The following SLC36A1 variants were observed in gnomAD, a reference collection of about 807,000 sequenced individuals.
SLC36A1 encodes proton-coupled amino acid transporter 1.
Under a neutral mutation model 47.5 loss-of-function variants are expected in SLC36A1, and 30 were observed. That is an observed-to-expected ratio of 0.63 (90% confidence interval 0.47 to 0.86). The LOEUF (loss-of-function observed/expected upper bound fraction) is 0.86. Ranked by LOEUF, SLC36A1 falls within the 40% of genes least tolerant of loss-of-function variation. The probability of loss-of-function intolerance (pLI) is 0.00; values close to 1 mark genes in which losing one functional copy is unlikely to be tolerated. For synonymous variants in SLC36A1, 255 were observed against 249.7 expected (o/e 1.02, Z -0.20); for missense variants, 517 against 606.0 (o/e 0.85, Z 1.54).
chr5:151,455,191 C>T (rs1198388241), intron 1 of SLC36A1, among the ~76,000 whole-genome samples: 1 of 152,140 alleles, frequency 6.6e-6, no homozygotes, highest in East Asian at 1.9e-4. Flanking sequence ...CCGAGGTCCA[C>T]TTACTAGCAT....
At chr5:151,537,856 C>T in the SLC36A1 span, 29 of 1,614,062 alleles carry the variant, frequency 1.8e-5, no homozygotes, top group Non-Finnish European at 2.2e-5. Context: ...GTGATCTGAG[C>T]ATTGGTATCA....
the SLC36A1 span, among the ~76,000 whole-genome samples, chr5:151,356,564 G>A: frequency 6.6e-6 from 1 of 152,004 alleles, no homozygotes; most frequent in Non-Finnish European, 1.5e-5. Flanking sequence ...TCTTCTCCCT[G>A]AAATGCCCTT....
the SLC36A1 span, among the ~76,000 whole-genome samples, chr5:151,415,138 C>CTGCTTGGTAT: frequency 6.6e-6 from 1 of 152,176 alleles, no homozygotes; most frequent in South Asian, 2.1e-4. Flanking sequence ...ACTGAATACT[C>CTGCTTGGTAT]TGCTTGGTCT....
chr5:151,539,255 C>A, the SLC36A1 span, among the ~76,000 whole-genome samples: 1 of 152,080 alleles, frequency 6.6e-6, no homozygotes, highest in Non-Finnish European at 1.5e-5. Context: ...TTCTACAGTG[C>A]TTTTATGTGA....
At chr5:151,423,962 A>G in the SLC36A1 span, among the ~76,000 whole-genome samples, 1 of 138,678 alleles carries the variant, frequency 7.2e-6, no homozygotes, top group Non-Finnish European at 1.5e-5. Context: ...AAAAAATACG[A>G]TCTATTAAAA....
the SLC36A1 span, among the ~76,000 whole-genome samples, chr5:151,385,024 G>T: frequency 2.7e-5 from 4 of 150,876 alleles, 1 homozygote; most frequent in South Asian, 4.2e-4. Flanking sequence ...GTGTGTGTGT[G>T]TGTGTGTGTG....
chr5:151,428,569 C>T, the SLC36A1 span, among the ~76,000 whole-genome samples: 1 of 152,186 alleles, frequency 6.6e-6, no homozygotes, highest in Non-Finnish European at 1.5e-5. Flanking sequence ...GGTTCCAGAA[C>T]AGGCAGCCTG....
Position 151,488,251 on chromosome 5 carries a change from A to C in SLC36A1, c.1428A>C (p.Ile476=). The C allele has an allele frequency of 6.2e-7, 1 of 1,613,830 alleles. No individual in the cohort carries two copies. Among genetic ancestry groups the C allele is most frequent in the Non-Finnish European group, 8.5e-7 (1 of 1,179,864 alleles). The change falls in exon 11 of 11, where the codon ATA becomes ATC. Residue 476 remains isoleucine, a synonymous_variant. Transcript: ENST00000243389. ...PIFINSTCAF[I] is the part of the protein sequence containing the mutation. The stretch of plus-strand genomic sequence containing the variant: ...TCATCAATTCCACCTGTGCCTTCAT[A>C]TAGGGATCTGGGTTCGTCTCTGCAG...
chr5:151,426,005 TAC>T, the SLC36A1 span, among the ~76,000 whole-genome samples: 1 of 150,978 alleles, frequency 6.6e-6, no homozygotes, highest in African/African-American at 2.4e-5. Flanking sequence ...TATCTATCTA[TAC>T]CTATGTCCAT....
the SLC36A1 span, chr5:151,528,147 G>A: frequency 1.2e-6 from 2 of 1,612,710 alleles, no homozygotes; most frequent in South Asian, 2.2e-5. Flanking sequence ...CGGTGGGGTA[G>A]GGGGATTGTG....
the SLC36A1 span, among the ~76,000 whole-genome samples, chr5:151,555,269 G>T: frequency 3.3e-5 from 5 of 151,330 alleles, no homozygotes; most frequent in African/African-American, 9.7e-5. Context: ...ACACTTTGGT[G>T]TTTAAAGGTA....
At chr5:151,393,346 C>G in the SLC36A1 span, among the ~76,000 whole-genome samples, 1 of 152,134 alleles carries the variant, frequency 6.6e-6, no homozygotes, top group Non-Finnish European at 1.5e-5. Flanking sequence ...TGGGTCTTGA[C>G]TCTTTATCCA....
the SLC36A1 span, among the ~76,000 whole-genome samples, chr5:151,550,124 G>A: frequency 6.6e-6 from 1 of 152,172 alleles, no homozygotes; most frequent in Non-Finnish European, 1.5e-5. Flanking sequence ...GAGGCAAGTA[G>A]GGTGCAAAAT....
chr5:151,479,603 A>G, intron 10 of SLC36A1, 114 bp downstream of exon 10: 1 of 1,267,712 alleles, frequency 7.9e-7, no homozygotes, highest in Non-Finnish European at 1.1e-6. Context: ...TGTTTGTGAC[A>G]GAGAACCTGG....
At chr5:151,356,403 C>T in the SLC36A1 span, among the ~76,000 whole-genome samples, 6 of 146,826 alleles carry the variant, frequency 4.1e-5, no homozygotes, top group African/African-American at 1.0e-4. Context: ...AAAAGTGCTA[C>T]GAGAGAGAGA....
the SLC36A1 span, among the ~76,000 whole-genome samples, chr5:151,349,353 C>A: frequency 6.6e-6 from 1 of 152,098 alleles, no homozygotes; most frequent in African/African-American, 2.4e-5. Context: ...CACCCCAACT[C>A]ATTGCACCAC....
chr5:151,405,437 C>G, the SLC36A1 span, among the ~76,000 whole-genome samples: 1 of 146,918 alleles, frequency 6.8e-6, no homozygotes, highest in Admixed American at 6.9e-5. Context: ...GTAGCCTCAA[C>G]CTCCTGGGCT....
the SLC36A1 span, among the ~76,000 whole-genome samples, chr5:151,552,158 C>G: frequency 6.6e-6 from 1 of 152,044 alleles, no homozygotes; most frequent in Non-Finnish European, 1.5e-5. Flanking sequence ...GGCTCTCACT[C>G]TGTCACCCAG....
upstream of SLC36A1, among the ~76,000 whole-genome samples, chr5:151,436,017 C>A (rs1186644433): frequency 6.6e-6 from 1 of 151,858 alleles, no homozygotes; most frequent in Non-Finnish European, 1.5e-5. Flanking sequence ...TACTAGTGCC[C>A]CTGCTACTAC....
Sources: gnomAD v4.1 joint callset for allele counts (sites outside exome capture counted in the v4.1 genomes callset) on GRCh38, gnomAD v4.1.1 for gene constraint, MANE v1.5 for transcripts, NCBI Gene and HGNC (gene_info 2026-07-23, HGNC 2026-07-21) for gene names.